TACR3: variants seen among roughly 807,000 people sequenced by gnomAD.
The protein encoded by TACR3 is neuromedin-K receptor.
A neutral mutation model predicts 35.0 loss-of-function variants in TACR3; 34 were observed. The ratio of observed to expected loss-of-function variants is 0.97; its 90% CI spans 0.74 to 1.30. The LOEUF (loss-of-function observed/expected upper bound fraction) is 1.30. Among genes scored for constraint, TACR3 ranks in the 50% most tolerant of loss-of-function variants. The pLI, the probability that TACR3 is intolerant of heterozygous loss-of-function variation, is 0.00. For missense variants in TACR3, 558 were observed against 591.7 expected, an observed-to-expected ratio of 0.94 and a Z score of 0.59; for synonymous variants, 233 against 221.1, an observed-to-expected ratio of 1.05 and a Z score of -0.48.
intron 3 of TACR3, among the ~76,000 whole-genome samples, chr4:103,608,207 A>C (rs1382201171): frequency 1.3e-5 from 2 of 152,116 alleles, no homozygotes; most frequent in Admixed American, 6.6e-5. Context: ...GTTCATATAC[A>C]CCATGGGAAA....
chr4:103,706,517 G>T (rs1047443250), intron 1 of TACR3, among the ~76,000 whole-genome samples: 1 of 151,732 alleles, frequency 6.6e-6, no homozygotes, highest in Non-Finnish European at 1.5e-5. Flanking sequence ...ATATATCTGT[G>T]TATATATACA....
chr4:103,594,911 A>G (rs1310975882), intron 3 of TACR3, among the ~76,000 whole-genome samples: 2 of 105,750 alleles, frequency 1.9e-5, no homozygotes, highest in South Asian at 2.7e-4. Flanking sequence ...ACTTATTTCT[A>G]TATAATACTG....
chr4:103,696,289 A>C lies in TACR3; in HGVS notation c.548+22839T>G, dbSNP rs189818885. On this transcript the variant is annotated intron_variant, in intron 1 of 4. Coordinates refer to ENST00000304883, the MANE Select transcript of TACR3 (RefSeq NM_001059.3). ...ACTGGGAAAAATACAATTTTCCTGT[A>C]ATCTTTAACATTTTTGATAAAAGAT... Among the ~76,000 whole-genome samples the C allele has an allele frequency of 5.9e-5, 9 of 152,322 alleles. No homozygotes were observed. The East Asian group carries it at 9.6e-4, about 16-fold the overall frequency.
At chr4:103,635,754 A>G (rs368164519) in intron 3 of TACR3, among the ~76,000 whole-genome samples, 11 of 149,360 alleles carry the variant, frequency 7.4e-5, no homozygotes, top group African/African-American at 2.8e-4. Context: ...ATTGATGTCT[A>G]TAATTGGAAG....
At chr4:103,679,610 G>A (rs531488766) in intron 1 of TACR3, among the ~76,000 whole-genome samples, 1 of 152,000 alleles carries the variant, frequency 6.6e-6, no homozygotes, top group South Asian at 2.1e-4. Context: ...GGAAGCTGGG[G>A]GAGAGGAGAT....
chr4:103,686,024 A>C (rs1722224880), intron 1 of TACR3, among the ~76,000 whole-genome samples: 1 of 152,182 alleles, frequency 6.6e-6, no homozygotes, highest in Non-Finnish European at 1.5e-5. Context: ...TCAGTTGTTA[A>C]AACAATCAGT....
intron 1 of TACR3, among the ~76,000 whole-genome samples, chr4:103,663,025 A>C (rs1268625964): frequency 6.6e-6 from 1 of 152,232 alleles, no homozygotes; most frequent in Non-Finnish European, 1.5e-5. Context: ...GGATACTGCA[A>C]TTGATACACA....
chr4:103,684,906 C>T (rs1243595349), intron 1 of TACR3, among the ~76,000 whole-genome samples: 1 of 151,654 alleles, frequency 6.6e-6, no homozygotes, highest in Non-Finnish European at 1.5e-5. Context: ...ATTGCTTGAA[C>T]CTGGGAGGTG....
chr4:103,681,110 T>A (rs1432538417), intron 1 of TACR3, among the ~76,000 whole-genome samples: 1 of 152,060 alleles, frequency 6.6e-6, no homozygotes, highest in Admixed American at 6.6e-5. Context: ...GCTTGTTTTC[T>A]TTAAACTGGT....
intron 1 of TACR3, among the ~76,000 whole-genome samples, chr4:103,701,805 T>C (rs952187449): frequency 6.6e-6 from 1 of 152,182 alleles, no homozygotes; most frequent in Non-Finnish European, 1.5e-5. Context: ...GGGGAAAGGA[T>C]TCCCTATTTA....
intron 1 of TACR3, among the ~76,000 whole-genome samples, chr4:103,685,839 T>G (rs1292230448): frequency 6.6e-6 from 1 of 152,184 alleles, no homozygotes; most frequent in Admixed American, 6.6e-5. Flanking sequence ...GAAGATTCCA[T>G]GTCTACCTCT....
At chr4:103,639,932 C>T (rs569261915) in intron 3 of TACR3, among the ~76,000 whole-genome samples, 1 of 152,030 alleles carries the variant, frequency 6.6e-6, no homozygotes, top group South Asian at 2.1e-4. Flanking sequence ...AGCTGTGTTT[C>T]TAGACCTATC....
intron 1 of TACR3, among the ~76,000 whole-genome samples, chr4:103,661,990 A>G (rs899947636): frequency 3.3e-5 from 5 of 152,170 alleles, no homozygotes; most frequent in African/African-American, 1.2e-4. Context: ...TAATCAAATA[A>G]TCTCACCAAT....
chr4:103,634,475 G>A (rs900294992), intron 3 of TACR3, among the ~76,000 whole-genome samples: 12 of 151,764 alleles, frequency 7.9e-5, no homozygotes, highest in African/African-American at 2.9e-4. Flanking sequence ...GCTATTTAAA[G>A]GGCATGATAG....
intron 3 of TACR3, among the ~76,000 whole-genome samples, chr4:103,616,410 ATATT>A (rs1724663222): frequency 1.3e-5 from 2 of 152,094 alleles, no homozygotes; most frequent in Admixed American, 6.6e-5. Flanking sequence ...AGTAGCATGT[ATATT>A]TATCTCTCTA....
At chr4:103,671,427 C>G (rs1726055164) in intron 1 of TACR3, among the ~76,000 whole-genome samples, 1 of 151,808 alleles carries the variant, frequency 6.6e-6, no homozygotes, top group Non-Finnish European at 1.5e-5. Context: ...CTGGGCTCTT[C>G]TTTGATGGGA....
intron 3 of TACR3, chr4:103,624,475 G>A (rs190045685): frequency 6.6e-6 from 1 of 152,030 alleles, no homozygotes; most frequent in East Asian, 1.9e-4. Context: ...ATTAAAGACA[G>A]GCTTGAGAGG....
chr4:103,629,882 AACAACAACAAC>A (rs1420092680), intron 3 of TACR3, among the ~76,000 whole-genome samples: 5 of 119,884 alleles, frequency 4.2e-5, no homozygotes, highest in African/African-American at 7.1e-5. Flanking sequence ...CAAAAAAAAC[AACAACAACAAC>A]AAAAAAAAAC....
At chr4:103,629,896 A>C (rs7440533) in intron 3 of TACR3, among the ~76,000 whole-genome samples, 30,659 of 124,266 alleles carry the variant, frequency 0.25, 4,109 homozygotes, top group Non-Finnish European at 0.29. Context: ...ACAACAACAA[A>C]AAAAAACAAA....
Sources: gnomAD v4.1 joint callset for allele counts (sites outside exome capture counted in the v4.1 genomes callset) on GRCh38, gnomAD v4.1.1 for gene constraint, MANE v1.5 for transcripts, NCBI Gene and HGNC (gene_info 2026-07-23, HGNC 2026-07-21) for gene names.